TATDN1: variants seen among roughly 807,000 people sequenced by gnomAD.
The protein encoded by TATDN1 is deoxyribonuclease TATDN1.
In TATDN1, 40 loss-of-function variants were observed where a neutral mutation model predicts 46.4. The ratio of observed to expected loss-of-function variants is 0.86; its 90% CI spans 0.67 to 1.12. The LOEUF (loss-of-function observed/expected upper bound fraction) is 1.12, where lower values mean the gene tolerates loss of function less well. TATDN1 is among the 50% of genes most tolerant of loss of function. The probability of loss-of-function intolerance (pLI) is 0.00; values close to 1 mark genes in which losing one functional copy is unlikely to be tolerated. For synonymous variants in TATDN1, 95 were observed against 105.6 expected (o/e 0.90, Z 0.62); for missense variants, 326 against 348.4 (o/e 0.94, Z 0.51).
In TATDN1 at chr8:124,509,304, T is replaced by C. The variant is rs145566967; in HGVS notation, c.390-616A>G. Among the ~76,000 whole-genome samples, 454 of 152,324 alleles carry C rather than the reference T, an allele frequency of 3.0e-3. 1 individual carries two copies. The highest frequency in any genetic ancestry group is 0.01 in the African/African-American group (422 of 41,568). ...AAAAGCTGGTGTCAGAGAGGTGTAG[T>C]ACTTTGTCCAAGATAACAATACCTG... On this transcript the variant is annotated intron_variant, in intron 6 of 11. Coordinates refer to ENST00000276692, the MANE Select transcript of TATDN1 (RefSeq NM_032026.4).
intron 6 of TATDN1, among the ~76,000 whole-genome samples, chr8:124,514,543 C>T (rs1408829602): frequency 6.6e-6 from 1 of 152,194 alleles, no homozygotes; most frequent in African/African-American, 2.4e-5. Flanking sequence ...ATACTATGAG[C>T]TCTCAGCAGT....
At chr8:124,527,816 G>A (rs900334991) in intron 1 of TATDN1, among the ~76,000 whole-genome samples, 1 of 150,846 alleles carries the variant, frequency 6.6e-6, no homozygotes, top group East Asian at 1.9e-4. Flanking sequence ...CCATCCCTAC[G>A]ATAGCCAATT....
chr8:124,495,354 T>C, intron 10 of TATDN1, 118 bp downstream of exon 10: 2 of 713,520 alleles, frequency 2.8e-6, no homozygotes, highest in African/African-American at 3.6e-5. Flanking sequence ...TTGTTGAGGT[T>C]GAGCATGCTG....
chr8:124,535,149 A>T (rs537733913), intron 1 of TATDN1, among the ~76,000 whole-genome samples: 5 of 152,310 alleles, frequency 3.3e-5, no homozygotes, highest in African/African-American at 1.2e-4. Context: ...GCAAACCCCC[A>T]TCCTGAGGCT....
At chr8:124,511,883 G>T (rs981951933) in intron 6 of TATDN1, among the ~76,000 whole-genome samples, 1 of 152,080 alleles carries the variant, frequency 6.6e-6, no homozygotes, top group Non-Finnish European at 1.5e-5. Flanking sequence ...AGAAAGGTAG[G>T]CAGCAATCTC....
rs11375686 is a variant in TATDN1, at chr8:124,518,523, C to CAA, written c.202+293_202+294dup. Among the ~76,000 whole-genome samples, 608 of 83,082 alleles carry CAA rather than the reference C, an allele frequency of 7.3e-3. 4 individuals carry two copies. The highest frequency in any genetic ancestry group is 0.013 in the Non-Finnish European group (450 of 35,066). 54.5% of individuals were successfully genotyped at this position (83,082 alleles called of 152,430 possible). A position where few individuals can be genotyped will look rare whatever the true frequency, so the allele number is the denominator to read the frequency against. ...TGGGTAACAGAGTGAGACTCCGTCTCAAAAAAAAAAAAAAAACACACCTGA... is the reference window on the plus strand; with the variant it reads ...TGGGTAACAGAGTGAGACTCCGTCTCAAAAAAAAAAAAAAAAAACACACCTGA... On this transcript the variant is annotated intron_variant, in intron 4 of 11. Coordinates refer to ENST00000276692, the MANE Select transcript of TATDN1 (RefSeq NM_032026.4).
At chr8:124,492,854 G>A (rs1343482329) in intron 11 of TATDN1, among the ~76,000 whole-genome samples, 1 of 151,306 alleles carries the variant, frequency 6.6e-6, no homozygotes, top group Non-Finnish European at 1.5e-5. Context: ...TTTCTTTAGA[G>A]ACAGGGGTCT....
At chr8:124,530,497 A>G (rs537532946) in intron 1 of TATDN1, among the ~76,000 whole-genome samples, 29 of 152,346 alleles carry the variant, frequency 1.9e-4, no homozygotes, top group Admixed American at 1.7e-3. Context: ...TATGAGTAAA[A>G]GGAATGGAGG....
intron 9 of TATDN1, among the ~76,000 whole-genome samples, chr8:124,500,693 A>AG (rs200350420): frequency 3.9e-5 from 6 of 151,916 alleles, no homozygotes; most frequent in Non-Finnish European, 1.5e-5. Context: ...AAAAAAAAAA[A>AG]CAACAACTAA....
chr8:124,498,786 G>A (rs1421393064), intron 9 of TATDN1, among the ~76,000 whole-genome samples: 1 of 151,984 alleles, frequency 6.6e-6, no homozygotes, highest in Non-Finnish European at 1.5e-5. Flanking sequence ...AAGTAGCTGA[G>A]ATTACAGGCG....
intron 6 of TATDN1, among the ~76,000 whole-genome samples, chr8:124,508,920 T>C (rs1162969384): frequency 6.6e-6 from 1 of 152,214 alleles, no homozygotes; most frequent in African/African-American, 2.4e-5. Context: ...GGCCCTTTAA[T>C]TTTCAGAAAG....
Position 124,493,881 on chromosome 8 carries a change from C to T in TATDN1, c.743G>A (p.Trp248Ter), listed in dbSNP as rs1191405220. Residue 248 changes from tryptophan (W) to a stop codon, truncating the protein, a stop_gained, in exon 11 of 12, where the codon TGG becomes TAG. Transcript: ENST00000276692. LOFTEE classifies it high-confidence loss of function. Reference protein sequence around the residue: ...IRTAFPTKKKWESGHCLKDRN... With the variant: ...IRTAFPTKKK The stretch of plus-strand genomic sequence containing the variant: ...GTCTTTTAAGCAGTGCCCACTTTCC[C>T]ACTTCTTTTTGGTAGGAAATGCAGT... The T allele has an allele frequency of 6.2e-7, 1 of 1,611,914 alleles. No homozygotes were observed. Among genetic ancestry groups the T allele is most frequent in the East Asian group, 2.2e-5 (1 of 44,790 alleles).
intron 9 of TATDN1, among the ~76,000 whole-genome samples, chr8:124,500,366 G>C (rs1817849827): frequency 2.0e-5 from 3 of 152,140 alleles, no homozygotes; most frequent in Non-Finnish European, 4.4e-5. Flanking sequence ...AATCTTTTGT[G>C]ATTAGCTTAA....
rs575385343 is a variant in TATDN1, at chr8:124,502,416, A to G, written c.593+1855T>C. Reference sequence around the variant, plus strand: ...GGCTAACTTGTAAGAGGAAGAGCAGAAAAAAAATTCATTTTCAAAATGGGA... The same window carrying G: ...GGCTAACTTGTAAGAGGAAGAGCAGGAAAAAAATTCATTTTCAAAATGGGA... On this transcript the variant is annotated intron_variant, in intron 9 of 11. Transcript: ENST00000276692. Among the ~76,000 whole-genome samples the G allele has an allele frequency of 4.0e-5, 6 of 149,952 alleles. No homozygotes were observed. In the South Asian group the frequency reaches 8.3e-4, roughly 21 times the overall value.
Position 124,518,821 on chromosome 8 carries a change from T to C in TATDN1, c.199A>G (p.Asn67Asp), listed in dbSNP as rs139428852. 45 of 1,609,426 alleles carry C rather than the reference T, an allele frequency of 2.8e-5. No homozygotes were observed. Among genetic ancestry groups the C allele is most frequent in the African/African-American group, 4.0e-5 (3 of 74,844 alleles). The change falls in exon 4 of 12, where the codon AAT becomes GAT. Residue 67 changes from asparagine (N) to aspartate (D), a missense_variant. Asn to Asp is a conservative substitution (Grantham distance 23, BLOSUM62 1). Transcript: ENST00000276692. ...GGTAAAAGAAATATGAGGATACCAT[T>C]TGTTTGTGCCAAATGCAGTGCATCT... ...SKDALHLAQT[N>D]GMFFSTVGCH...
rs1217720968 is a variant in TATDN1, at chr8:124,508,836, CT to C, written c.390-149del. On this transcript the variant is annotated intron_variant, in intron 6 of 11. Coordinates refer to ENST00000276692, the MANE Select transcript of TATDN1 (RefSeq NM_032026.4). ...TCATGAATATTTAAAGCACATCAGGCTTATCAAAGGGCTTTTATAACTTACA... is the reference window on the plus strand; with the variant it reads ...TCATGAATATTTAAAGCACATCAGGCTATCAAAGGGCTTTTATAACTTACA... 1.1e-4 allele frequency: 59 copies of C among 547,580 alleles called. No homozygotes were observed. In the African/African-American group the frequency reaches 1.1e-3, roughly 10 times the overall value. The allele number at this position is 547,580 out of a possible 1,614,324, so 33.9% of individuals were successfully genotyped here.
At chr8:124,518,136 A>G (rs1312030006) in intron 4 of TATDN1, among the ~76,000 whole-genome samples, 1 of 135,756 alleles carries the variant, frequency 7.4e-6, no homozygotes, top group African/African-American at 2.8e-5. Flanking sequence ...GGCATGAACC[A>G]GGGAGGTGGC....
intron 11 of TATDN1, 22 bp from the exon 12 acceptor site, chr8:124,488,718 A>G (rs1202720201): frequency 7.1e-7 from 1 of 1,404,702 alleles, no homozygotes; most frequent in Non-Finnish European, 1.0e-6. Flanking sequence ...CAAAAACAAA[A>G]ATGGTTAAAT....
intron 8 of TATDN1, among the ~76,000 whole-genome samples, chr8:124,508,187 C>G (rs1397774928): frequency 2.0e-5 from 3 of 152,106 alleles, no homozygotes; most frequent in African/African-American, 7.2e-5. Context: ...TTTGGAATAT[C>G]TGCATATACA....
Sources: allele counts gnomAD v4.1 joint callset (sites outside exome capture counted in the v4.1 genomes callset), GRCh38; gene constraint gnomAD v4.1.1; transcripts MANE v1.5; gene names NCBI Gene and HGNC (gene_info 2026-07-23, HGNC 2026-07-21).